Variants in ABCA4 observed in about 807,000 individuals in gnomAD.
ABCA4 encodes retinal-specific phospholipid-transporting ATPase ABCA4.
Under a neutral mutation model 263.7 loss-of-function variants are expected in ABCA4, and 196 were observed. That is an observed-to-expected ratio of 0.74 (90% CI 0.66 to 0.84). The LOEUF (loss-of-function observed/expected upper bound fraction) is 0.84. Ranked by LOEUF, ABCA4 falls within the 40% of genes least tolerant of loss-of-function variation. The probability of loss-of-function intolerance (pLI) is 0.00; values close to 1 mark genes in which losing one functional copy is unlikely to be tolerated. For synonymous variants in ABCA4, 1,133 were observed against 1,094.2 expected (o/e 1.04, Z -0.70); for missense variants, 2,792 against 2,855.1 (o/e 0.98, Z 0.50).
In ABCA4 at chr1:94,007,887, C is replaced by T. The variant is rs116391773; in HGVS notation, c.5899-147G>A. 1,625 of 739,370 alleles carry T rather than the reference C, an allele frequency of 2.2e-3. 25 individuals are homozygous for T. In the African/African-American group the frequency reaches 0.024, roughly 11 times the overall value. The allele number at this position is 739,370 out of a possible 1,614,324, so 45.8% of individuals were successfully genotyped here. ...CCACGAGCCATATGTGGCTACTAAG[C>T]ACTTGAAACACATCTAAGTCCCAGT... On this transcript the variant is annotated intron_variant, in intron 42 of 49. Transcript: ENST00000370225.
chr1:94,056,068 C>T lies in ABCA4; in HGVS notation c.2382+533G>A, dbSNP rs1266505579. ...TTCTCAGGCCATCAGAAGTCAGCTTCGGGAGTCCTCTCCTGGCCAGCGAGC... is the reference window on the plus strand; with the variant it reads ...TTCTCAGGCCATCAGAAGTCAGCTTTGGGAGTCCTCTCCTGGCCAGCGAGC... On this transcript the variant is annotated intron_variant, in intron 15 of 49. Coordinates refer to ENST00000370225, the MANE Select transcript of ABCA4 (RefSeq NM_000350.3). 2.0e-5 allele frequency among the ~76,000 whole-genome samples: 3 copies of T among 152,220 alleles called. No individual in the cohort carries two copies. In the East Asian group the frequency reaches 5.8e-4, roughly 29 times the overall value.
chr1:94,083,532 A>G (rs1661758211), intron 6 of ABCA4, 91 bp from the exon 7 acceptor site: 1 of 889,786 alleles, frequency 1.1e-6, no homozygotes, highest in Admixed American at 1.9e-5. Flanking sequence ...ATATGTTTGA[A>G]AACTCCCCCC....
chr1:94,110,526 C>A (rs1662574841), intron 3 of ABCA4, among the ~76,000 whole-genome samples: 1 of 152,232 alleles, frequency 6.6e-6, no homozygotes, highest in African/African-American at 2.4e-5. Flanking sequence ...CCCAACAGGC[C>A]TTTGCTGGTG....
rs1660368582 is a variant in ABCA4, at chr1:94,037,355, G to A, written c.3608-5C>T. 1 of 1,613,672 alleles carries A rather than the reference G, an allele frequency of 6.2e-7. No homozygotes were observed. ...CCATCAGCTCATTTACATCCCCTAG[G>A]ACAAGAAAAAAGACTGATGCCAGCT... On this transcript the variant is annotated splice_region_variant and splice_polypyrimidine_tract_variant and intron_variant, in intron 24 of 49. Transcript: ENST00000370225.
intron 32 of ABCA4, among the ~76,000 whole-genome samples, chr1:94,022,875 C>T (rs1659939474): frequency 6.6e-6 from 1 of 152,154 alleles, no homozygotes; most frequent in Admixed American, 6.5e-5. Flanking sequence ...GTCAGCCCCG[C>T]ACCTGTTCTG....
intron 11 of ABCA4, among the ~76,000 whole-genome samples, chr1:94,064,486 G>A (rs1258319550): frequency 6.6e-6 from 1 of 152,154 alleles, no homozygotes; most frequent in Non-Finnish European, 1.5e-5. Context: ...GTCAGCTCAG[G>A]CACAGGGAAC....
At chr1:94,094,175 G>A (rs1570418669) in intron 6 of ABCA4, among the ~76,000 whole-genome samples, 1 of 152,104 alleles carries the variant, frequency 6.6e-6, no homozygotes, top group Non-Finnish European at 1.5e-5. Flanking sequence ...ATATCCACCC[G>A]AAAGTTGAAA....
Position 94,078,604 on chromosome 1 carries a change from T to C in ABCA4, c.1342A>G (p.Met448Val), listed in dbSNP as rs1169850759. The change falls in exon 10 of 50, where the codon ATG (methionine) becomes GTG (valine). Residue 448 changes from methionine (M) to valine (V), a missense_variant. Transcript: ENST00000370225. ...ACCCCCCTTACTCTGATCATGTTCA[T>C]CTGTGTGCTGTTGTCAAAGAAGTAC... ...IWYFFDNSTQ[M>V]NMIRDTLGNP... 2 of 1,199,684 alleles carry C rather than the reference T, an allele frequency of 1.7e-6. No homozygotes were observed. Among genetic ancestry groups the C allele is most frequent in the African/African-American group, 3.5e-5 (2 of 57,482 alleles). 74.3% of individuals were successfully genotyped at this position (1,199,684 alleles called of 1,614,324 possible). A position where few individuals can be genotyped will look rare whatever the true frequency, so the allele number is the denominator to read the frequency against.
At chr1:94,110,499 T>A (rs1309342092) in intron 3 of ABCA4, among the ~76,000 whole-genome samples, 1 of 152,180 alleles carries the variant, frequency 6.6e-6, no homozygotes, top group African/African-American at 2.4e-5. Context: ...TTTATACAGG[T>A]CGGGTAAAGC....
At chr1:94,007,488 G>T (rs2101003068) in intron 43 of ABCA4, 146 bp downstream of exon 43, 1 of 727,084 alleles carries the variant, frequency 1.4e-6, no homozygotes. Context: ...GGCTTTTTGG[G>T]CCATGCTCTC....
intron 11 of ABCA4, among the ~76,000 whole-genome samples, chr1:94,064,752 G>T (rs552827199): frequency 1.3e-5 from 2 of 152,080 alleles, no homozygotes; most frequent in Non-Finnish European, 2.9e-5. Context: ...GGGTGGGACC[G>T]GACGGTTTGC....
At chr1:94,075,767 C>T (rs1661523596) in intron 11 of ABCA4, among the ~76,000 whole-genome samples, 2 of 152,186 alleles carry the variant, frequency 1.3e-5, no homozygotes, top group Non-Finnish European at 1.5e-5. Context: ...AAGAGTGGTC[C>T]ACCCTTAGAT....
chr1:94,073,717 G>A, intron 11 of ABCA4, among the ~76,000 whole-genome samples: 1 of 152,176 alleles, frequency 6.6e-6, no homozygotes. Flanking sequence ...TTAAGTATCT[G>A]TTTGGTGCCT....
intron 11 of ABCA4, among the ~76,000 whole-genome samples, chr1:94,075,796 T>A: frequency 6.6e-6 from 1 of 152,074 alleles, no homozygotes. Flanking sequence ...TTACTGGGAG[T>A]ATGAGGTTGA....
At chr1:94,044,345 G>A (rs953104065) in intron 20 of ABCA4, among the ~76,000 whole-genome samples, 3 of 152,292 alleles carry the variant, frequency 2.0e-5, no homozygotes, top group African/African-American at 7.2e-5. Flanking sequence ...CTCGGGGATC[G>A]ATCAGCTGCT....
chr1:94,103,281 A>G (rs1662334565), intron 4 of ABCA4, 139 bp from the exon 5 acceptor site: 1 of 1,099,854 alleles, frequency 9.1e-7, no homozygotes. Flanking sequence ...GGGAGCCCCT[A>G]GAGGTGAGGC....
chr1:94,008,127 C>A, intron 42 of ABCA4, 108 bp downstream of exon 42: 1 of 996,740 alleles, frequency 1.0e-6, no homozygotes. Context: ...ATGTGACTTG[C>A]ATTATGGCAT....
In ABCA4 at chr1:94,025,032, G is replaced by A. The variant is rs115859773; in HGVS notation, c.4556C>T (p.Thr1519Met). 7.6e-5 allele frequency: 122 copies of A among 1,614,156 alleles called. 1 individual carries two copies. Among genetic ancestry groups the A allele is most frequent in the African/African-American group, 6.0e-4 (45 of 75,036 alleles). ...LPPPQRTQRS[T>M]EILQDLTDRN... ...GTCCGTCAGGTCTTGTAGAATTTCCGTGCTGCGCTGTGTTCTCTGAGGCAA... is the reference window on the plus strand; with the variant it reads ...GTCCGTCAGGTCTTGTAGAATTTCCATGCTGCGCTGTGTTCTCTGAGGCAA... Residue 1519 changes from threonine (T) to methionine (M), a missense_variant, in exon 31 of 50, where the codon ACG becomes ATG. Physicochemically the swap from Thr to Met is moderately conservative, Grantham distance 81. Coordinates refer to ENST00000370225, the MANE Select transcript of ABCA4 (RefSeq NM_000350.3).
intron 5 of ABCA4, among the ~76,000 whole-genome samples, chr1:94,100,064 G>GGGACC (rs1662249668): frequency 6.6e-6 from 1 of 152,204 alleles, no homozygotes; most frequent in Non-Finnish European, 1.5e-5. Context: ...AGTCTCCCAT[G>GGGACC]ACATCTAACG....
Sources: gnomAD v4.1 joint callset for allele counts (sites outside exome capture counted in the v4.1 genomes callset) on GRCh38, gnomAD v4.1.1 for gene constraint, MANE v1.5 for transcripts, NCBI Gene and HGNC (gene_info 2026-07-23, HGNC 2026-07-21) for gene names.